The following SLC11A1 variants were observed in gnomAD, a reference collection of about 807,000 sequenced individuals.
SLC11A1 encodes solute carrier family 11 member 1.
In SLC11A1, 59 loss-of-function variants were observed where a neutral mutation model predicts 63.2. The ratio of observed to expected loss-of-function variants is 0.93; its 90% confidence interval spans 0.76 to 1.16. The LOEUF (loss-of-function observed/expected upper bound fraction) is 1.16. SLC11A1 is among the 50% of genes most tolerant of loss of function. The probability of loss-of-function intolerance (pLI) is 0.00; values close to 1 mark genes in which losing one functional copy is unlikely to be tolerated. For missense variants in SLC11A1, 688 were observed against 730.7 expected (o/e 0.94, Z 0.67); for synonymous variants, 305 against 307.8 (o/e 0.99, Z 0.09).
In SLC11A1 at chr2:218,394,771, C is replaced by T. The variant is rs774163724; in HGVS notation, c.1528C>T (p.Leu510Phe). The change falls in exon 14 of 15, where the codon CTC becomes TTC. Residue 510 changes from leucine (L) to phenylalanine (F), a missense_variant. Transcript: ENST00000233202. The stretch of plus-strand genomic sequence containing the variant: ...CTTGCTGGCCGCAGCCTACCTGGGC[C>T]TCAGCACCTACCTGGTACAGTAGGG... The part of the protein sequence containing the change: ...AALLAAAYLG[L>F]STYLVWTCCL... 3.7e-6 allele frequency: 6 copies of T among 1,612,786 alleles called. No individual in the cohort carries two copies. The Admixed American group carries it at 1.0e-4, about 27-fold the overall frequency.
rs1374944767 is a variant in SLC11A1, at chr2:218,387,595, TC to T, written c.604del (p.Ile203Ter). 3.1e-6 allele frequency: 5 copies of T among 1,614,052 alleles called. No homozygotes were observed. The East Asian group carries it at 1.1e-4, about 36-fold the overall frequency. ...CGGAAGCTGGAAGCTTTTTTTGGAC[TC>T]CTTATAACCATTATGGCCTTGACCT... ...GLRKLEAFFG[L>X]LITIMALTFG... On this transcript the variant is annotated frameshift_variant, in exon 7 of 15. Transcript: ENST00000233202. LOFTEE classifies it high-confidence loss of function.
At position 218,394,771 on chromosome 2, in the gene SLC11A1, C is replaced by G; in HGVS notation, c.1528C>G (p.Leu510Val). ...AALLAAAYLG[L>V]STYLVWTCCL... ...CTTGCTGGCCGCAGCCTACCTGGGC[C>G]TCAGCACCTACCTGGTACAGTAGGG... Residue 510 changes from leucine to valine, a missense_variant, in exon 14 of 15, where the codon CTC (leucine) becomes GTC (valine). Coordinates refer to ENST00000233202, the MANE Select transcript of SLC11A1 (RefSeq NM_000578.4). The G allele has an allele frequency of 6.2e-7, 1 of 1,612,786 alleles. No individual in the cohort carries two copies. The highest frequency in any genetic ancestry group is 8.5e-7 in the Non-Finnish European group (1 of 1,180,022).
chr2:218,387,934 C>T lies in SLC11A1; in HGVS notation c.774C>T (p.Tyr258=), dbSNP rs775004023. 6.2e-7 allele frequency: 1 copy of T among 1,610,362 alleles called. No individual in the cohort carries two copies. The highest frequency in any genetic ancestry group is 8.5e-7 in the Non-Finnish European group (1 of 1,178,484). ...VGAIIMPHNI[Y]LHSALVKSRE... is the part of the protein sequence containing the mutation. ...CCATCATCATGCCCCACAACATCTA[C>T]CTGCACTCGGCCCTGGTCAAGGTGA... The change falls in exon 8 of 15, where the codon TAC becomes TAT. Residue 258 remains tyrosine (Y), a synonymous_variant. Transcript: ENST00000233202.
intron 1 of SLC11A1, 113 bp from the exon 2 acceptor site, chr2:218,382,847 G>A (rs1695874785): frequency 7.3e-7 from 1 of 1,361,580 alleles, no homozygotes. Flanking sequence ...ATGGGGGCCA[G>A]GGACCTTAGT....
chr2:218,384,248 C>T lies in SLC11A1; in HGVS notation c.156C>T (p.Thr52=), dbSNP rs1167994374. ...KIPIPDTKPG[T]FSLRKLWAFT... is the part of the protein sequence containing the mutation. ...CTCCTCCCACCCCCCAACAGGGCAC[C>T]TTCAGCCTGCGGAAGCTATGGGCCT... The change falls in exon 3 of 15, where the codon ACC becomes ACT. Residue 52 remains threonine, a synonymous_variant. Coordinates refer to ENST00000233202, the MANE Select transcript of SLC11A1 (RefSeq NM_000578.4). The surrounding 1 kb of genome is among the most constrained non-coding windows in gnomAD (Gnocchi z 4.0). 6.3e-7 allele frequency: 1 copy of T among 1,598,530 alleles called. No homozygotes were observed. The highest frequency in any genetic ancestry group is 1.1e-5 in the South Asian group (1 of 89,824).
At position 218,396,547 on chromosome 2, in the gene SLC11A1, C is replaced by T. The variant is rs1415561093; in HGVS notation, c.*1512C>T. On this transcript the variant is annotated 3_prime_UTR_variant, in exon 15 of 15. Coordinates refer to ENST00000233202, the MANE Select transcript of SLC11A1 (RefSeq NM_000578.4). ...CGCTTGTTTATGAGAAGAATTTCCTCTTTCTTAAAAGGGCAACGATGCGAG... is the reference window on the plus strand; with the variant it reads ...CGCTTGTTTATGAGAAGAATTTCCTTTTTCTTAAAAGGGCAACGATGCGAG... 2.0e-5 allele frequency: 3 copies of T among 152,396 alleles called. No individual in the cohort carries two copies. Among genetic ancestry groups the T allele is most frequent in the Non-Finnish European group, 2.9e-5 (2 of 68,082 alleles). 9.4% of individuals were successfully genotyped at this position (152,396 alleles called of 1,614,324 possible). A position where few individuals can be genotyped will look rare whatever the true frequency, so the allele number is the denominator to read the frequency against.
chr2:218,386,410 C>A (rs373491908), intron 4 of SLC11A1, among the ~76,000 whole-genome samples: 14 of 151,954 alleles, frequency 9.2e-5, no homozygotes, highest in African/African-American at 3.4e-4. Flanking sequence ...CGAGATCATG[C>A]CATTGCACTC....
intron 6 of SLC11A1, 70 bp downstream of exon 6, chr2:218,387,300 C>T (rs1696157446): frequency 2.1e-6 from 3 of 1,444,188 alleles, no homozygotes; most frequent in South Asian, 2.5e-5. Context: ...AGGGCTCTGA[C>T]ATCGAACAGC....
Position 218,394,676 on chromosome 2 carries a change from C to T in SLC11A1, c.1433C>T (p.Ala478Val), listed in dbSNP as rs762641179. The change falls in exon 14 of 15, where the codon GCC (alanine) becomes GTC (valine). Residue 478 changes from alanine to valine, a missense_variant. Coordinates refer to ENST00000233202, the MANE Select transcript of SLC11A1 (RefSeq NM_000578.4). ...VTSSIMVLVCAINLYFVVSYL... is the reference protein window; with the variant it reads ...VTSSIMVLVCVINLYFVVSYL... ...TCTTCCATCATGGTGCTAGTCTGCG[C>T]CATCAACCTCTACTTCGTGGTCAGC... 6.2e-7 allele frequency: 1 copy of T among 1,613,964 alleles called. No homozygotes were observed. Among genetic ancestry groups the T allele is most frequent in the Non-Finnish European group, 8.5e-7 (1 of 1,180,038 alleles).
In SLC11A1 at chr2:218,394,921, C is replaced by G. The variant is rs1010198207; in HGVS notation, c.1543-4C>G. The G allele has an allele frequency of 5.6e-6, 9 of 1,612,016 alleles. No individual in the cohort carries two copies. Among genetic ancestry groups the G allele is most frequent in the Non-Finnish European group, 7.6e-6 (9 of 1,179,126 alleles). On this transcript the variant is annotated splice_polypyrimidine_tract_variant and splice_region_variant and intron_variant, in intron 14 of 14. Transcript: ENST00000233202. ...TCCCCAATTCATGGTTGCCCCTCCC[C>G]CAGGTCTGGACCTGTTGCCTTGCCC...
At chr2:218,391,712 C>A (rs749865221) in intron 11 of SLC11A1, 1 of 523,180 alleles carries the variant, frequency 1.9e-6, no homozygotes, top group Non-Finnish European at 3.3e-6. Flanking sequence ...GCAACCTCCC[C>A]CTCCCAGGTT....
In SLC11A1 at chr2:218,391,225, C is replaced by T. The variant is rs369115323; in HGVS notation, c.982C>T (p.His328Tyr). 6.2e-7 allele frequency: 1 copy of T among 1,613,826 alleles called. No homozygotes were observed. The highest frequency in any genetic ancestry group is 8.5e-7 in the Non-Finnish European group (1 of 1,179,998). ...CAACATCTGTGCCAACAGCAGCCTC[C>T]ACGACTACGCCAAGATCTTCCCCAT... ...AFNICANSSLHDYAKIFPMNN... is the reference protein window; with the variant it reads ...AFNICANSSLYDYAKIFPMNN... Residue 328 changes from histidine (H) to tyrosine (Y), a missense_variant, in exon 10 of 15, where the codon CAC becomes TAC. Physicochemically the swap from His to Tyr is moderately conservative, Grantham distance 83. Transcript: ENST00000233202.
At chr2:218,382,493 C>A in intron 1 of SLC11A1, 118 bp downstream of exon 1, 1 of 1,097,536 alleles carries the variant, frequency 9.1e-7, no homozygotes, top group Non-Finnish European at 1.4e-6. Context: ...AGCCTCTGGT[C>A]CCCCGTGGGA....
rs1238653754 is a variant in SLC11A1, at chr2:218,396,605, G to C, written c.*1570G>C. 1.3e-5 allele frequency: 2 copies of C among 152,576 alleles called. No homozygotes were observed. The highest frequency in any genetic ancestry group is 2.9e-5 in the Non-Finnish European group (2 of 68,218). 9.5% of individuals were successfully genotyped at this position (152,576 alleles called of 1,614,324 possible). On this transcript the variant is annotated 3_prime_UTR_variant, in exon 15 of 15. Coordinates refer to ENST00000233202, the MANE Select transcript of SLC11A1 (RefSeq NM_000578.4). ...CTCAAGGAGAGAAGAGATGGGACCG[G>C]TCTGGTGCGACCTGGGCAAGCGCTG...
At position 218,395,395 on chromosome 2, in the gene SLC11A1, G is replaced by A; in HGVS notation, c.*360G>A. On this transcript the variant is annotated 3_prime_UTR_variant, in exon 15 of 15. Coordinates refer to ENST00000233202, the MANE Select transcript of SLC11A1 (RefSeq NM_000578.4). The stretch of plus-strand genomic sequence containing the variant: ...GGTGGGGTGAGGGCTTGAGGACTTG[G>A]GCGGGACACAGGCTCCAAACTGGAG... The A allele has an allele frequency of 4.6e-6, 1 of 216,884 alleles. No homozygotes were observed. The highest frequency in any genetic ancestry group is 9.3e-6 in the Non-Finnish European group (1 of 108,024). The allele number at this position is 216,884 out of a possible 1,614,324, so 13.4% of individuals were successfully genotyped here. A position where few individuals can be genotyped will look rare whatever the true frequency, so the allele number is the denominator to read the frequency against.
chr2:218,390,100 A>G (rs912022352), intron 9 of SLC11A1, 72 bp downstream of exon 9: 2 of 1,486,110 alleles, frequency 1.3e-6, no homozygotes, highest in Middle Eastern at 4.1e-4. Context: ...CGAGGACCCT[A>G]GGCAATGCAG....
chr2:218,384,509 G>A lies in SLC11A1; in HGVS notation c.273+144G>A. ...AATGGGCCCGAAAAGGGTCCCCAGG[G>A]CAGCCCTGCCAGAAGGTGGGGCATT... On this transcript the variant is annotated intron_variant, in intron 3 of 14. Coordinates refer to ENST00000233202, the MANE Select transcript of SLC11A1 (RefSeq NM_000578.4). This position sits in a 1 kb window ranked among gnomAD's most constrained non-coding sequence, Gnocchi z 4.0. The A allele has an allele frequency of 1.1e-6, 1 of 928,088 alleles. No homozygotes were observed. Among genetic ancestry groups the A allele is most frequent in the Non-Finnish European group, 1.5e-6 (1 of 651,856 alleles). 57.5% of individuals were successfully genotyped at this position (928,088 alleles called of 1,614,324 possible). A position where few individuals can be genotyped will look rare whatever the true frequency, so the allele number is the denominator to read the frequency against.
In SLC11A1 at chr2:218,387,832, T is replaced by G. The variant is rs773007766; in HGVS notation, c.672T>G (p.Leu224=). The G allele has an allele frequency of 3.1e-6, 5 of 1,604,444 alleles. No individual in the cohort carries two copies. Among genetic ancestry groups the G allele is most frequent in the Non-Finnish European group, 4.3e-6 (5 of 1,175,686 alleles). ...TGGCGCGTCCTGAGCAGGGAGCGCTTCTTCGGGGCCTGTTCCTGCCCTCGT... is the reference window on the plus strand; with the variant it reads ...TGGCGCGTCCTGAGCAGGGAGCGCTGCTTCGGGGCCTGTTCCTGCCCTCGT... ...YVVARPEQGA[L]LRGLFLPSCP... is the part of the protein sequence containing the mutation. The change falls in exon 8 of 15, where the codon CTT becomes CTG. Residue 224 remains leucine (L), a synonymous_variant. Coordinates refer to ENST00000233202, the MANE Select transcript of SLC11A1 (RefSeq NM_000578.4).
At chr2:218,387,283 T>G in intron 6 of SLC11A1, 53 bp downstream of exon 6, 1 of 1,516,050 alleles carries the variant, frequency 6.6e-7, no homozygotes. Context: ...GGTGCTGTAC[T>G]GGGAGAAGGG....
Sources: gnomAD v4.1 joint callset for allele counts (sites outside exome capture counted in the v4.1 genomes callset) on GRCh38, gnomAD v4.1.1 for gene constraint, Gnocchi (gnomAD v3.1) non-coding constraint, MANE v1.5 for transcripts, NCBI Gene and HGNC (gene_info 2026-07-23, HGNC 2026-07-21) for gene names.